The following DIP2C variants were observed in gnomAD, a reference collection of about 807,000 sequenced individuals.
DIP2C encodes DIP2 acetate--CoA ligase C (putative).
Under a neutral mutation model 192.4 loss-of-function variants are expected in DIP2C, and 33 were observed. That is an observed-to-expected ratio of 0.17 (90% CI 0.13 to 0.23). The LOEUF (loss-of-function observed/expected upper bound fraction) is 0.23, where lower values mean the gene tolerates loss of function less well. Among genes scored for constraint, DIP2C ranks in the 10% least tolerant of loss-of-function variants. DIP2C has a pLI of 1.00. For missense variants in DIP2C, 1,537 were observed against 2,110.1 expected (o/e 0.73, Z 5.32); for synonymous variants, 979 against 864.1 (o/e 1.13, Z -2.33).
intron 17 of DIP2C, 104 bp from the exon 18 acceptor site, chr10:369,737 A>C: frequency 6.3e-7 from 1 of 1,576,692 alleles, no homozygotes; most frequent in Non-Finnish European, 8.7e-7. Flanking sequence ...CTCTGGGCAC[A>C]GTGCTGGCAC....
chr10:344,738 C>G (rs41288739), intron 28 of DIP2C, 71 bp downstream of exon 28: 1 of 1,303,390 alleles, frequency 7.7e-7, no homozygotes, highest in Non-Finnish European at 1.1e-6. Flanking sequence ...TGAGAGCCAG[C>G]ACGTGACCTG....
chr10:279,963 A>T (rs1954726633), intron 36 of DIP2C, among the ~76,000 whole-genome samples: 1 of 152,264 alleles, frequency 6.6e-6, no homozygotes, highest in Admixed American at 6.5e-5. Flanking sequence ...TTTCTTAAAA[A>T]TACAAAAACG....
rs546966487 is a variant in DIP2C at position 330,513 on chromosome 10, T to C, written c.3585-912A>G. On this transcript the variant is annotated intron_variant, in intron 29 of 36. Transcript: ENST00000280886. ...TCACGTTCTAAGATTTACAATTTAA[T>C]TAACGGGAACGTTCTGTTGCCCAGG... Among the ~76,000 whole-genome samples, 93 of 152,324 alleles carry C rather than the reference T, an allele frequency of 6.1e-4. 2 individuals are homozygous for C. The highest frequency in any genetic ancestry group is 5.2e-3 in the South Asian group (25 of 4,826).
chr10:419,408 G>C (rs1040916275), intron 5 of DIP2C, among the ~76,000 whole-genome samples: 12 of 152,342 alleles, frequency 7.9e-5, no homozygotes, highest in African/African-American at 2.4e-4. Flanking sequence ...ATGGAGCAGA[G>C]TTCGGTAAAA....
At chr10:383,997 G>A in intron 16 of DIP2C, 30 bp downstream of exon 16, 1 of 1,479,542 alleles carries the variant, frequency 6.8e-7, no homozygotes, top group South Asian at 1.4e-5. Context: ...CAGCCCGCCT[G>A]CCTCACGAGA....
chr10:503,800 G>T (rs2130723938), intron 1 of DIP2C, among the ~76,000 whole-genome samples: 1 of 152,252 alleles, frequency 6.6e-6, no homozygotes. Flanking sequence ...ATCCTCCTTT[G>T]TCCCCTATGG....
chr10:629,281 GA>G (rs1854372639), intron 1 of DIP2C, among the ~76,000 whole-genome samples: 1 of 152,068 alleles, frequency 6.6e-6, no homozygotes, highest in Admixed American at 6.5e-5. Context: ...CTCTCCTGAG[GA>G]CAAAACTGCT....
intron 10 of DIP2C, among the ~76,000 whole-genome samples, chr10:397,144 C>T (rs181519058): frequency 3.4e-4 from 52 of 152,224 alleles, no homozygotes; most frequent in African/African-American, 1.2e-3. Flanking sequence ...CTGGAGTAGC[C>T]ACAAAGACAG....
At chr10:556,567 G>C (rs1315358974) in intron 1 of DIP2C, among the ~76,000 whole-genome samples, 1 of 151,050 alleles carries the variant, frequency 6.6e-6, no homozygotes, top group Non-Finnish European at 1.5e-5. Context: ...CTCCCTCACA[G>C]ACCCAGTCAC....
chr10:361,195 TATCA>T (rs549474504), intron 22 of DIP2C, among the ~76,000 whole-genome samples: 18 of 152,346 alleles, frequency 1.2e-4, no homozygotes, highest in Middle Eastern at 3.4e-3. Context: ...TCTTTCAAGT[TATCA>T]ATCACATGAA....
chr10:463,179 G>T (rs1969931807), intron 3 of DIP2C, among the ~76,000 whole-genome samples: 1 of 152,162 alleles, frequency 6.6e-6, no homozygotes, highest in Admixed American at 6.6e-5. Context: ...GAAAGAAAGG[G>T]TATTCAAATA....
At chr10:451,437 C>G (rs993736523) in intron 3 of DIP2C, among the ~76,000 whole-genome samples, 1 of 152,196 alleles carries the variant, frequency 6.6e-6, no homozygotes, top group Admixed American at 6.5e-5. Context: ...CCACAACCAC[C>G]GCAACCCAGC....
At chr10:298,385 G>GC (rs1386722257) in intron 32 of DIP2C, among the ~76,000 whole-genome samples, 3 of 152,302 alleles carry the variant, frequency 2.0e-5, no homozygotes, top group Non-Finnish European at 2.9e-5. Context: ...TCATATCAAA[G>GC]CCCCCCTGCT....
intron 3 of DIP2C, among the ~76,000 whole-genome samples, chr10:469,640 C>T (rs543293239): frequency 6.6e-6 from 1 of 152,274 alleles, no homozygotes; most frequent in African/African-American, 2.4e-5. Context: ...CTTAAGTACA[C>T]ATCAGTTTCA....
intron 13 of DIP2C, 80 bp from the exon 14 acceptor site, chr10:387,889 G>T (rs1461332669): frequency 3.6e-6 from 5 of 1,374,384 alleles, no homozygotes; most frequent in Non-Finnish European, 4.2e-6. Context: ...ATCCAATATT[G>T]CATCAGGGGA....
At chr10:326,681 G>A (rs975717068) in intron 31 of DIP2C, among the ~76,000 whole-genome samples, 8 of 152,192 alleles carry the variant, frequency 5.3e-5, no homozygotes, top group African/African-American at 1.4e-4. Context: ...TAAGTACTTC[G>A]AGGGACTGGT....
At chr10:477,761 G>T (rs1410167283) in intron 2 of DIP2C, among the ~76,000 whole-genome samples, 2 of 96,848 alleles carry the variant, frequency 2.1e-5, no homozygotes, top group East Asian at 5.1e-4. Context: ...AAAGGAGAGA[G>T]AAGAAAAAGG....
chr10:532,586 A>T (rs1847444585), intron 1 of DIP2C, among the ~76,000 whole-genome samples: 1 of 141,392 alleles, frequency 7.1e-6, no homozygotes, highest in African/African-American at 2.8e-5. Flanking sequence ...TGTGAGAGAG[A>T]GTATGGGTGT....
intron 31 of DIP2C, among the ~76,000 whole-genome samples, chr10:319,195 G>A (rs1481128753): frequency 1.3e-5 from 2 of 152,132 alleles, no homozygotes; most frequent in African/African-American, 4.8e-5. Context: ...TTACAGGCGT[G>A]AGCCACCGCG....
Sources: gnomAD v4.1 joint callset for allele counts (sites outside exome capture counted in the v4.1 genomes callset) on GRCh38, gnomAD v4.1.1 for gene constraint, MANE v1.5 for transcripts, NCBI Gene and HGNC (gene_info 2026-07-23, HGNC 2026-07-21) for gene names.